The following ADAMTSL1 variants were observed in gnomAD, a reference collection of about 807,000 sequenced individuals.
ADAMTSL1 encodes the protein ADAMTS-like protein 1.
A neutral mutation model predicts 201.8 loss-of-function variants in ADAMTSL1; 126 were observed. That is an observed-to-expected ratio of 0.62 (90% CI 0.54 to 0.72). The LOEUF is 0.72. Among genes scored for constraint, ADAMTSL1 ranks in the 30% least tolerant of loss-of-function variants. ADAMTSL1 has a pLI of 0.00. For missense variants in ADAMTSL1, 2,679 were observed against 2,277.8 expected (o/e 1.18, Z -3.59); for synonymous variants, 1,121 against 903.4 (o/e 1.24, Z -4.32).
intron 4 of ADAMTSL1, among the ~76,000 whole-genome samples, chr9:18,613,913 A>G (rs774469298): frequency 2.0e-5 from 3 of 152,206 alleles, no homozygotes; most frequent in Non-Finnish European, 4.4e-5. Flanking sequence ...ATTATGACTG[A>G]GGAGAAATAC....
At chr9:18,388,573 C>G (rs1459304917) in intron 2 of ADAMTSL1, among the ~76,000 whole-genome samples, 3 of 151,394 alleles carry the variant, frequency 2.0e-5, no homozygotes, top group South Asian at 4.2e-4. Flanking sequence ...CATGTTCGGC[C>G]TGGACTTTAT....
intron 3 of ADAMTSL1, among the ~76,000 whole-genome samples, chr9:18,566,805 A>C (rs1384333640): frequency 6.6e-6 from 1 of 152,194 alleles, no homozygotes; most frequent in East Asian, 1.9e-4. Flanking sequence ...CTGTGCTGAC[A>C]AAACTTTCCA....
At chr9:18,074,511 C>CCTTTCTTTTCTTTTCTTTTCTT (rs1554690846) in intron 1 of ADAMTSL1, among the ~76,000 whole-genome samples, 1 of 93,582 alleles carries the variant, frequency 1.1e-5, no homozygotes, top group Non-Finnish European at 1.9e-5. Flanking sequence ...CTTTTCTTTT[C>CCTTTCTTTTCTTTTCTTTTCTT]TTCTTTTCTT....
intron 4 of ADAMTSL1, among the ~76,000 whole-genome samples, chr9:18,592,615 G>C (rs112981400): frequency 1.3e-5 from 2 of 151,994 alleles, no homozygotes; most frequent in Non-Finnish European, 2.9e-5. Flanking sequence ...TGCTATTTTC[G>C]TTACTATATC....
intron 2 of ADAMTSL1, among the ~76,000 whole-genome samples, chr9:18,314,641 C>T (rs557773534): frequency 2.0e-5 from 3 of 151,978 alleles, no homozygotes; most frequent in South Asian, 2.1e-4. Flanking sequence ...CAGACCTTTG[C>T]GGTGAGTGTT....
chr9:18,052,374 C>G (rs1043631683), intron 1 of ADAMTSL1, among the ~76,000 whole-genome samples: 3 of 152,164 alleles, frequency 2.0e-5, no homozygotes, highest in African/African-American at 7.2e-5. Flanking sequence ...GAAGGGTTTT[C>G]TGGGGTAGTG....
chr9:18,750,672 C>T (rs538102532), intron 15 of ADAMTSL1, among the ~76,000 whole-genome samples: 7 of 152,276 alleles, frequency 4.6e-5, no homozygotes, highest in Admixed American at 2.6e-4. Flanking sequence ...AATTTCCCTC[C>T]AAACCTAGTA....
At chr9:18,244,559 C>T (rs1362813253) in intron 2 of ADAMTSL1, among the ~76,000 whole-genome samples, 2 of 151,952 alleles carry the variant, frequency 1.3e-5, no homozygotes, top group Non-Finnish European at 2.9e-5. Flanking sequence ...CCTCTTTACC[C>T]AAAATATATG....
At chr9:18,006,049 G>C (rs1819806690) in intron 1 of ADAMTSL1, among the ~76,000 whole-genome samples, 1 of 151,738 alleles carries the variant, frequency 6.6e-6, no homozygotes, top group African/African-American at 2.4e-5. Context: ...TTCGGTGACT[G>C]CAGTAATGAG....
intron 23 of ADAMTSL1, among the ~76,000 whole-genome samples, chr9:18,883,389 G>A (rs1389110646): frequency 6.6e-6 from 1 of 152,176 alleles, no homozygotes; most frequent in Non-Finnish European, 1.5e-5. Context: ...TTGTGGTCTA[G>A]GTTTGGAACT....
chr9:18,460,332 C>G (rs1002245405), intron 2 of ADAMTSL1, among the ~76,000 whole-genome samples: 2 of 152,158 alleles, frequency 1.3e-5, no homozygotes, highest in Non-Finnish European at 2.9e-5. Context: ...GGCGAAATCC[C>G]TGTCTGTTTG....
chr9:18,903,617 T>C (rs1459583459), intron 26 of ADAMTSL1, among the ~76,000 whole-genome samples: 7 of 152,226 alleles, frequency 4.6e-5, no homozygotes, highest in Admixed American at 2.0e-4. Context: ...AGGTTGACAG[T>C]AGAGCATCAA....
In ADAMTSL1 at chr9:18,639,311, G is replaced by T; in HGVS notation, c.734G>T (p.Gly245Val). 6.2e-7 allele frequency: 1 copy of T among 1,613,000 alleles called. No individual in the cohort carries two copies. The change falls in exon 7 of 29, where the codon GGA becomes GTA. Residue 245 changes from glycine to valine, a missense_variant. By Grantham distance (109) the Gly-to-Val change is moderately radical. Transcript: ENST00000380548. ...TKGENSLSST[G>V]TFLVDNSSVD... ...GGTGAAAACAGTCTCAGCTCCACAG[G>T]AACTTTCCTTGTGGACAATTCTAGT...
At position 18,394,325 on chromosome 9, in the gene ADAMTSL1, C is replaced by G. The variant is rs552675633; in HGVS notation, c.208-110504C>G. Among the ~76,000 whole-genome samples the G allele has an allele frequency of 2.6e-5, 4 of 152,282 alleles. No individual in the cohort carries two copies. The East Asian group carries it at 5.8e-4, about 22-fold the overall frequency. On this transcript the variant is annotated intron_variant, in intron 2 of 29. Transcript: ENST00000680146. ...TTAAAAGGAGGTTAGATGCCTAATTCCAATAACAGAATCTGTCCACAGCAC... is the reference window on the plus strand; with the variant it reads ...TTAAAAGGAGGTTAGATGCCTAATTGCAATAACAGAATCTGTCCACAGCAC...
At chr9:17,918,926 C>T (rs987672795) in intron 1 of ADAMTSL1, among the ~76,000 whole-genome samples, 2 of 151,730 alleles carry the variant, frequency 1.3e-5, no homozygotes, top group African/African-American at 2.4e-5. Flanking sequence ...AATAAATGAC[C>T]TTCTCTATCC....
chr9:17,985,507 C>T (rs1473616693), intron 1 of ADAMTSL1, among the ~76,000 whole-genome samples: 8 of 151,960 alleles, frequency 5.3e-5, no homozygotes, highest in Admixed American at 5.3e-4. Context: ...AAAAAAGATA[C>T]TTGAGCTAAG....
chr9:18,572,681 G>T (rs772871432), intron 3 of ADAMTSL1, among the ~76,000 whole-genome samples: 34 of 152,226 alleles, frequency 2.2e-4, no homozygotes, highest in Middle Eastern at 3.4e-3. Context: ...AGCGTTATAT[G>T]CTCTTTAGTA....
intron 2 of ADAMTSL1, among the ~76,000 whole-genome samples, chr9:18,368,420 G>A (rs1836884201): frequency 6.6e-6 from 1 of 152,172 alleles, no homozygotes; most frequent in Admixed American, 6.5e-5. Flanking sequence ...GGGACAAAAG[G>A]CAGTAGAACT....
At chr9:18,670,541 G>A (rs1467128122) in intron 9 of ADAMTSL1, among the ~76,000 whole-genome samples, 1 of 152,216 alleles carries the variant, frequency 6.6e-6, no homozygotes, top group African/African-American at 2.4e-5. Flanking sequence ...GGCAAGACGT[G>A]GGACTGAATA....
Sources: gnomAD v4.1 joint callset for allele counts (sites outside exome capture counted in the v4.1 genomes callset) on GRCh38, gnomAD v4.1.1 for gene constraint, MANE v1.5 for transcripts, NCBI Gene and HGNC (gene_info 2026-07-23, HGNC 2026-07-21) for gene names.